RBFOX1: variants seen among roughly 807,000 people sequenced by gnomAD.
RBFOX1 encodes RNA binding protein fox-1 homolog 1.
A neutral mutation model predicts 57.7 loss-of-function variants in RBFOX1; 8 were observed. The observed-to-expected ratio is 0.14, with a 90% CI of 0.08 to 0.25. The LOEUF (loss-of-function observed/expected upper bound fraction) is 0.25, where lower values mean the gene tolerates loss of function less well. Among genes scored for constraint, RBFOX1 ranks in the 10% least tolerant of loss-of-function variants. The probability of loss-of-function intolerance (pLI) is 1.00; values close to 1 mark genes in which losing one functional copy is unlikely to be tolerated. For synonymous variants in RBFOX1, 326 were observed against 222.4 expected, an observed-to-expected ratio of 1.47 and a Z score of -4.15; for missense variants, 611 against 548.5, an observed-to-expected ratio of 1.11 and a Z score of -1.14.
At chr16:6,100,397 C>T (rs1176382826) in intron 1 of RBFOX1, among the ~76,000 whole-genome samples, 2 of 152,090 alleles carry the variant, frequency 1.3e-5, no homozygotes, top group Non-Finnish European at 2.9e-5. Flanking sequence ...TTCCTGACCG[C>T]GTGATCCGCC....
Position 7,710,642 on chromosome 16 carries a change from C to G in RBFOX1, c.1091C>G (p.Thr364Ser). Reference protein sequence around the residue: ...VGAMNAFAPLTDAKTRSHADD... With the variant: ...VGAMNAFAPLSDAKTRSHADD... ...TTTCAGAATGCTTTTGCACCTTTGA[C>G]TGATGCCAAGACTAGGAGCCATGCT... Residue 364 changes from threonine (T) to serine (S), a missense_variant, in exon 16 of 16, where the codon ACT becomes AGT. Physicochemically the swap from Thr to Ser is moderately conservative, Grantham distance 58. This residue lies in a region of RBFOX1 where 267 missense variants were observed against 229.1 expected (regional missense o/e 1.17). Transcript: ENST00000550418. 4.3e-6 allele frequency: 7 copies of G among 1,613,364 alleles called. No individual in the cohort carries two copies. Among genetic ancestry groups the G allele is most frequent in the Non-Finnish European group, 5.1e-6 (6 of 1,179,758 alleles).
At chr16:6,394,489 A>G (rs1304085611) in intron 2 of RBFOX1, among the ~76,000 whole-genome samples, 4 of 143,832 alleles carry the variant, frequency 2.8e-5, no homozygotes, top group Non-Finnish European at 6.1e-5. Context: ...ACCCCCCAGA[A>G]TAGCAGTGGG....
intron 3 of RBFOX1, among the ~76,000 whole-genome samples, chr16:6,857,478 G>A (rs747450698): frequency 2.0e-5 from 3 of 152,168 alleles, no homozygotes; most frequent in Non-Finnish European, 4.4e-5. Context: ...TTTCACAAGG[G>A]TCTGACTCAT....
intron 2 of RBFOX1, among the ~76,000 whole-genome samples, chr16:6,653,115 C>G (rs1025888705): frequency 4.6e-5 from 7 of 152,142 alleles, no homozygotes; most frequent in South Asian, 2.1e-4. Flanking sequence ...CTGGGATGTT[C>G]TCTTCCCCAG....
At chr16:6,963,892 A>T (rs1348420249) in intron 3 of RBFOX1, among the ~76,000 whole-genome samples, 1 of 151,408 alleles carries the variant, frequency 6.6e-6, no homozygotes, top group Non-Finnish European at 1.5e-5. Flanking sequence ...TAGAGATGGG[A>T]TTTCACTGTG....
At chr16:7,296,050 T>C (rs1160091213) in intron 4 of RBFOX1, among the ~76,000 whole-genome samples, 1 of 152,034 alleles carries the variant, frequency 6.6e-6, no homozygotes, top group Non-Finnish European at 1.5e-5. Flanking sequence ...TGTTGATACT[T>C]GTTGTGCCAG....
At chr16:7,710,450 G>A in intron 15 of RBFOX1, 173 bp from the exon 16 acceptor site, 3 of 1,439,206 alleles carry the variant, frequency 2.1e-6, no homozygotes, top group Non-Finnish European at 2.7e-6. Flanking sequence ...AGCTATTGGG[G>A]AAGGTCAGGA....
chr16:6,837,856 C>T (rs755876443), intron 3 of RBFOX1, among the ~76,000 whole-genome samples: 3 of 152,100 alleles, frequency 2.0e-5, no homozygotes, highest in East Asian at 1.9e-4. Flanking sequence ...TGAAGACTGG[C>T]GGAAACTGAG....
chr16:5,717,402 A>G (rs2051744799), intron 3 of RBFOX1, among the ~76,000 whole-genome samples: 1 of 152,116 alleles, frequency 6.6e-6, no homozygotes, highest in Admixed American at 6.5e-5. Flanking sequence ...GTTTTTGGTT[A>G]TATGGATAAG....
At chr16:6,696,637 C>T (rs546813073) in intron 3 of RBFOX1, among the ~76,000 whole-genome samples, 4 of 152,258 alleles carry the variant, frequency 2.6e-5, no homozygotes, top group Admixed American at 1.3e-4. Flanking sequence ...ACTATATTCC[C>T]TTCTGCTATC....
chr16:6,551,007 G>A (rs2096979800), intron 2 of RBFOX1, among the ~76,000 whole-genome samples: 1 of 152,164 alleles, frequency 6.6e-6, no homozygotes, highest in African/African-American at 2.4e-5. Flanking sequence ...CAGGAGAACA[G>A]TGAGCTGACT....
chr16:6,810,482 C>A (rs114024857), intron 3 of RBFOX1, among the ~76,000 whole-genome samples: 1 of 152,096 alleles, frequency 6.6e-6, no homozygotes, highest in Admixed American at 6.5e-5. Flanking sequence ...TTCATGGCAC[C>A]GTTCATGAGT....
At chr16:6,518,467 T>C (rs1376231947) in intron 2 of RBFOX1, among the ~76,000 whole-genome samples, 1 of 152,100 alleles carries the variant, frequency 6.6e-6, no homozygotes, top group Non-Finnish European at 1.5e-5. Flanking sequence ...GCTTCTATTA[T>C]ACAGATGGGC....
chr16:5,607,230 G>A (rs1201209186), intron 3 of RBFOX1, among the ~76,000 whole-genome samples: 2 of 152,210 alleles, frequency 1.3e-5, no homozygotes, highest in African/African-American at 2.4e-5. Context: ...ACGAGATAAC[G>A]GCATTAGGAG....
chr16:7,682,916 G>C (rs1056482256), intron 14 of RBFOX1, among the ~76,000 whole-genome samples: 4 of 144,424 alleles, frequency 2.8e-5, no homozygotes, highest in African/African-American at 7.7e-5. Flanking sequence ...GACAGCTTTC[G>C]GGTAACTAGA....
chr16:5,505,821 C>A (rs1004445860), intron 2 of RBFOX1, among the ~76,000 whole-genome samples: 3 of 152,150 alleles, frequency 2.0e-5, no homozygotes, highest in African/African-American at 7.2e-5. Context: ...GGTACCTTCT[C>A]CCTAGACCGT....
intron 1 of RBFOX1, among the ~76,000 whole-genome samples, chr16:5,308,283 C>T (rs754750878): frequency 1.7e-4 from 25 of 151,438 alleles, no homozygotes; most frequent in Non-Finnish European, 2.9e-4. Context: ...ACTGAGATTG[C>T]GCCACTACAC....
At chr16:7,589,927 G>C (rs982453111) in intron 7 of RBFOX1, among the ~76,000 whole-genome samples, 59 of 145,380 alleles carry the variant, frequency 4.1e-4, no homozygotes, top group African/African-American at 1.4e-3. Context: ...GTGTGTGTGT[G>C]TGTGTGTGTG....
intron 10 of RBFOX1, among the ~76,000 whole-genome samples, chr16:7,612,304 G>C (rs970850098): frequency 1.3e-4 from 16 of 121,332 alleles, no homozygotes; most frequent in Non-Finnish European, 2.2e-4. Flanking sequence ...CTGGGTAACA[G>C]AGCGAGACTC....
Sources: gnomAD v4.1 joint callset for allele counts (sites outside exome capture counted in the v4.1 genomes callset) on GRCh38, gnomAD v4.1.1 for gene constraint, gnomAD v4.1.1 regional missense constraint, MANE v1.5 for transcripts, NCBI Gene and HGNC (gene_info 2026-07-23, HGNC 2026-07-21) for gene names.